The following SLC29A3 variants were observed in gnomAD, a reference collection of about 807,000 sequenced individuals.
SLC29A3 encodes the protein solute carrier family 29 member 3, also known as equilibrative nucleoside transporter 3.
In SLC29A3, 18 loss-of-function variants were observed where a neutral mutation model predicts 25.4. That is an observed-to-expected ratio of 0.71 (90% confidence interval 0.49 to 1.05). The LOEUF (loss-of-function observed/expected upper bound fraction) is 1.05, where lower values mean the gene tolerates loss of function less well. Ranked by LOEUF, SLC29A3 falls within the 50% of genes least tolerant of loss-of-function variation. The pLI, the probability that SLC29A3 is intolerant of heterozygous loss-of-function variation, is 0.00. For synonymous variants in SLC29A3, 258 were observed against 267.1 expected, an observed-to-expected ratio of 0.97 and a Z score of 0.33; for missense variants, 586 against 609.0, an observed-to-expected ratio of 0.96 and a Z score of 0.40.
At chr10:71,319,413 C>T in intron 1 of SLC29A3, 103 bp downstream of exon 1, 1 of 530,198 alleles carries the variant, frequency 1.9e-6, no homozygotes, top group Non-Finnish European at 3.3e-6. Flanking sequence ...CTGCGGGCTG[C>T]CAGGGGAGCC....
In SLC29A3 at chr10:71,322,923, T is replaced by A; in HGVS notation, c.169T>A (p.Phe57Ile). The change falls in exon 2 of 6, where the codon TTC becomes ATC. Residue 57 changes from phenylalanine to isoleucine, a missense_variant. Phe to Ile is a conservative substitution (Grantham distance 21). Coordinates refer to ENST00000373189, the MANE Select transcript of SLC29A3 (RefSeq NM_018344.6). ...EDRFCGTYII[F>I]FSLGIGSLLP... is the part of the protein sequence containing the mutation. ...CCGCTTCTGTGGCACATACATCATCTTCTTCAGCCTGGGCATTGGCAGTCT... is the reference window on the plus strand; with the variant it reads ...CCGCTTCTGTGGCACATACATCATCATCTTCAGCCTGGGCATTGGCAGTCT... The A allele has an allele frequency of 6.2e-7, 1 of 1,614,208 alleles. No individual in the cohort carries two copies. The highest frequency in any genetic ancestry group is 8.5e-7 in the Non-Finnish European group (1 of 1,180,038).
At chr10:71,367,746 G>T (rs1474955600), downstream of SLC29A3, among the ~76,000 whole-genome samples, 4 of 152,200 alleles carry the variant, frequency 2.6e-5, no homozygotes, top group African/African-American at 9.7e-5. Flanking sequence ...TTGGCCCTGT[G>T]CTCTCTGCTA....
chr10:71,351,385 C>T (rs563113459), intron 3 of SLC29A3, among the ~76,000 whole-genome samples, 177 bp from the exon 4 acceptor site: 2 of 152,350 alleles, frequency 1.3e-5, no homozygotes, highest in East Asian at 3.9e-4. Flanking sequence ...GAGTCCCTTA[C>T]CCAAGGCCAC....
intron 1 of SLC29A3, among the ~76,000 whole-genome samples, chr10:71,322,034 T>A (rs1845855847): frequency 6.6e-6 from 1 of 152,236 alleles, no homozygotes. Context: ...TGAATTTTTT[T>A]AAATTTACAC....
At chr10:71,325,415 A>G (rs779613837) in intron 2 of SLC29A3, among the ~76,000 whole-genome samples, 52 of 152,198 alleles carry the variant, frequency 3.4e-4, no homozygotes, top group Non-Finnish European at 6.0e-4. Flanking sequence ...TGTCATCGGC[A>G]CATTACCCGT....
Position 71,351,740 on chromosome 10 carries a change from G to A in SLC29A3, c.562G>A (p.Gly188Ser), listed in dbSNP as rs781598002. ...CACTGTCTTCAGCAGCAGCATCTAC[G>A]GCATGACCGGCTCCTTTCCTATGAG... is the stretch of plus-strand genomic sequence containing the variant. ...ASTVFSSSIYGMTGSFPMRNS... is the reference protein window; with the variant it reads ...ASTVFSSSIYSMTGSFPMRNS... Residue 188 changes from glycine (G) to serine (S), a missense_variant, in exon 4 of 6, where the codon GGC becomes AGC. Physicochemically the swap from Gly to Ser is moderately conservative, Grantham distance 56. Coordinates refer to ENST00000373189, the MANE Select transcript of SLC29A3 (RefSeq NM_018344.6). The A allele has an allele frequency of 7.4e-6, 12 of 1,613,914 alleles. No homozygotes were observed. Among genetic ancestry groups the A allele is most frequent in the Non-Finnish European group, 1.0e-5 (12 of 1,180,024 alleles).
At chr10:71,369,204 T>C (rs895475060) in intron 3 of SLC29A3, among the ~76,000 whole-genome samples, 6 of 152,238 alleles carry the variant, frequency 3.9e-5, no homozygotes, top group Non-Finnish European at 8.8e-5. Context: ...TCTTGGATCT[T>C]CCAGCCTCTA....
chr10:71,329,457 C>CGAAAAAA (rs3059614), intron 2 of SLC29A3, among the ~76,000 whole-genome samples: 2 of 120,478 alleles, frequency 1.7e-5, no homozygotes, highest in African/African-American at 5.8e-5. Flanking sequence ...GACTCTGTCT[C>CGAAAAAA]AAAAAAAAAA....
At chr10:71,356,369 C>A in intron 5 of SLC29A3, 126 bp downstream of exon 5, 9 of 1,221,932 alleles carry the variant, frequency 7.4e-6, no homozygotes, top group Non-Finnish European at 1.0e-5. Context: ...AGTTGTTCAA[C>A]AAATAGGCTT....
chr10:71,366,802 T>G (rs1343779244), downstream of SLC29A3, among the ~76,000 whole-genome samples: 3 of 152,208 alleles, frequency 2.0e-5, no homozygotes, highest in Non-Finnish European at 4.4e-5. Context: ...CAGTCGAATG[T>G]GAACTGAGAG....
At chr10:71,378,005 T>C (rs1057203712) in intron 4 of SLC29A3, among the ~76,000 whole-genome samples, 2 of 145,902 alleles carry the variant, frequency 1.4e-5, no homozygotes, top group Admixed American at 1.4e-4. Context: ...CCGTGGACAC[T>C]CATTTCAGTT....
intron 3 of SLC29A3, among the ~76,000 whole-genome samples, chr10:71,348,461 C>T (rs1846656290): frequency 1.3e-5 from 2 of 152,136 alleles, no homozygotes; most frequent in African/African-American, 2.4e-5. Context: ...CACGGAGAGC[C>T]GATGACAGAG....
rs1239067533 is a variant in SLC29A3, at chr10:71,362,321, G to T, written c.1141G>T (p.Gly381Trp). The change falls in exon 6 of 6, where the codon GGG (glycine) becomes TGG (tryptophan). Residue 381 changes from glycine to tryptophan, a missense_variant. Transcript: ENST00000373189. ...AGGGCCCAATAGCAAGGCGCTCCCA[G>T]GGTTCGTGCTCCTCCGGACCTGCCT... ...VPGPNSKALPGFVLLRTCLIP... is the reference protein window; with the variant it reads ...VPGPNSKALPWFVLLRTCLIP... 3 of 1,614,044 alleles carry T rather than the reference G, an allele frequency of 1.9e-6. No homozygotes were observed. Among genetic ancestry groups the T allele is most frequent in the African/African-American group, 1.3e-5 (1 of 74,916 alleles).
chr10:71,324,129 G>A (rs927017000), intron 2 of SLC29A3, among the ~76,000 whole-genome samples: 3 of 152,230 alleles, frequency 2.0e-5, no homozygotes, highest in African/African-American at 7.2e-5. Flanking sequence ...CAACTCTGAA[G>A]AGGAGATGGG....
chr10:71,370,640 T>G (rs1847204454), intron 3 of SLC29A3, among the ~76,000 whole-genome samples: 3 of 152,118 alleles, frequency 2.0e-5, no homozygotes, highest in Non-Finnish European at 4.4e-5. Context: ...GCTCAAGTGA[T>G]CCTCCCACCT....
At chr10:71,367,606 C>T (rs1478044250), downstream of SLC29A3, among the ~76,000 whole-genome samples, 2 of 152,212 alleles carry the variant, frequency 1.3e-5, no homozygotes, top group Non-Finnish European at 2.9e-5. Context: ...TTCTGCCACT[C>T]AGGAAGTCCA....
rs767091577 is a variant in SLC29A3, at chr10:71,319,330, G to A, written c.1+20G>A. ...GCGACAGTAAGTGCGGGCCGGCTCG[G>A]GCTCTTCCGGCTACGGTCCCGGCCG... is the stretch of plus-strand genomic sequence containing the variant. On this transcript the variant is annotated intron_variant, in intron 1 of 5. Coordinates refer to ENST00000373189, the MANE Select transcript of SLC29A3 (RefSeq NM_018344.6). 1 of 642,656 alleles carries A rather than the reference G, an allele frequency of 1.6e-6. No individual in the cohort carries two copies. The highest frequency in any genetic ancestry group is 1.6e-5 in the South Asian group (1 of 61,178). 39.8% of individuals were successfully genotyped at this position (642,656 alleles called of 1,614,324 possible). A position where few individuals can be genotyped will look rare whatever the true frequency, so the allele number is the denominator to read the frequency against.
At chr10:71,338,999 C>A in intron 2 of SLC29A3, among the ~76,000 whole-genome samples, 1 of 152,214 alleles carries the variant, frequency 6.6e-6, no homozygotes, top group East Asian at 1.9e-4. Flanking sequence ...TCAGCTAGAG[C>A]AGCTTATACA....
chr10:71,344,164 C>A, intron 2 of SLC29A3, 45 bp from the exon 3 acceptor site: 1 of 1,481,118 alleles, frequency 6.8e-7, no homozygotes, highest in Non-Finnish European at 9.4e-7. Flanking sequence ...CTGCTCACCT[C>A]CATCCCTGAG....
Sources: gnomAD v4.1 joint callset for allele counts (sites outside exome capture counted in the v4.1 genomes callset) on GRCh38, gnomAD v4.1.1 for gene constraint, MANE v1.5 for transcripts, NCBI Gene and HGNC (gene_info 2026-07-23, HGNC 2026-07-21) for gene names.